SPATA7: variants seen among roughly 807,000 people sequenced by gnomAD.
SPATA7 encodes spermatogenesis-associated protein 7.
SPATA7 carries 43 observed loss-of-function variants against 51.8 expected under a neutral mutation model. The ratio of observed to expected loss-of-function variants is 0.83; its 90% CI spans 0.65 to 1.07. The LOEUF (loss-of-function observed/expected upper bound fraction) is 1.07, where lower values mean the gene tolerates loss of function less well. SPATA7 is among the 50% of genes least tolerant of loss of function. SPATA7 has a pLI of 0.00. For missense variants in SPATA7, 683 were observed against 701.3 expected (o/e 0.97, Z 0.30); for synonymous variants, 230 against 252.8 (o/e 0.91, Z 0.86).
At chr14:88,456,246 G>A (rs2077283417), downstream of SPATA7, among the ~76,000 whole-genome samples, 1 of 152,120 alleles carries the variant, frequency 6.6e-6, no homozygotes, top group Admixed American at 6.5e-5. Context: ...CCCAGTAATG[G>A]GGTGGCTGGG....
At chr14:88,470,032 C>T (rs747979607) in exon 5 of SPATA7, 8 of 1,613,136 alleles carry the variant, frequency 5.0e-6, no homozygotes, top group East Asian at 4.5e-5. Flanking sequence ...TAATCCCATT[C>T]GATTCCACTG....
chr14:88,431,359 A>G (rs1463345396), intron 9 of SPATA7, 134 bp downstream of exon 9: 2 of 835,866 alleles, frequency 2.4e-6, no homozygotes, highest in East Asian at 2.4e-5. Flanking sequence ...GTACATATTC[A>G]TGGAGTACCT....
rs754923626 is a variant in SPATA7, at chr14:88,416,817, C to G, written c.345C>G (p.Ser115=). The G allele has an allele frequency of 2.5e-6, 4 of 1,601,602 alleles. No individual in the cohort carries two copies. Among genetic ancestry groups the G allele is most frequent in the Admixed American group, 1.7e-5 (1 of 59,842 alleles). ...TGCGAGCCAATTATAAAAATAATTC[C>G]AAGTCACTTTTTAATACCTTACAAA... ...TAMRANYKNN[S]KSLFNTLQKP... is the part of the protein sequence containing the mutation. Residue 115 remains serine (S), a synonymous_variant, in exon 5 of 12, where the codon TCC becomes TCG. Transcript: ENST00000393545.
intron 4 of SPATA7, among the ~76,000 whole-genome samples, chr14:88,401,222 C>T (rs1181274968): frequency 6.6e-6 from 1 of 152,150 alleles, no homozygotes; most frequent in Non-Finnish European, 1.5e-5. Context: ...TGATATACCA[C>T]AGTAACATAG....
chr14:88,407,269 C>G (rs2076224668), intron 4 of SPATA7, among the ~76,000 whole-genome samples: 1 of 152,228 alleles, frequency 6.6e-6, no homozygotes, highest in South Asian at 2.1e-4. Context: ...CACATCATGT[C>G]TAGCATCTGT....
chr14:88,462,683 G>A (rs980370154), intron 4 of SPATA7, among the ~76,000 whole-genome samples: 6 of 152,162 alleles, frequency 3.9e-5, no homozygotes, highest in Non-Finnish European at 7.3e-5. Flanking sequence ...CCACATTGTC[G>A]ATTCAGAGCC....
intron 3 of SPATA7, among the ~76,000 whole-genome samples, chr14:88,449,346 G>C (rs73327489): frequency 0.038 from 5,772 of 152,174 alleles, 356 homozygotes; most frequent in African/African-American, 0.13. Context: ...GATCATTCAG[G>C]AGCAGGTTAT....
chr14:88,403,142 G>C (rs1231977298), intron 4 of SPATA7, among the ~76,000 whole-genome samples: 2 of 152,128 alleles, frequency 1.3e-5, no homozygotes, highest in African/African-American at 4.8e-5. Flanking sequence ...ACACCTGTGA[G>C]AATGGCTATC....
intron 8 of SPATA7, among the ~76,000 whole-genome samples, chr14:88,430,229 C>T (rs1024113181): frequency 1.3e-5 from 2 of 151,996 alleles, no homozygotes; most frequent in African/African-American, 4.8e-5. Flanking sequence ...CACACAATCC[C>T]CTCAGGCTCT....
At chr14:88,466,055 C>T (rs1224079873) in intron 4 of SPATA7, 1 of 145,378 alleles carries the variant, frequency 6.9e-6, no homozygotes, top group East Asian at 2.0e-4. Flanking sequence ...AGCATTTTCA[C>T]AAAAACGTAC....
intron 5 of SPATA7, among the ~76,000 whole-genome samples, chr14:88,421,672 C>T (rs1353416982): frequency 2.0e-5 from 3 of 151,976 alleles, no homozygotes; most frequent in Non-Finnish European, 2.9e-5. Context: ...GAATCTCGGC[C>T]GGGCGTGGTG....
intron 1 of SPATA7, among the ~76,000 whole-genome samples, chr14:88,389,139 A>G (rs945551580): frequency 2.0e-5 from 3 of 152,224 alleles, no homozygotes; most frequent in Non-Finnish European, 4.4e-5. Flanking sequence ...CACAGGACAC[A>G]AAGGAGGAAC....
In SPATA7 at chr14:88,469,763, CGAG is replaced by C; in HGVS notation, c.255-83_255-81del. On this transcript the variant is annotated intron_variant, in intron 4 of 4. Coordinates refer to the SPATA7 transcript ENST00000556406. This position sits in a 1 kb window ranked among gnomAD's most constrained non-coding sequence, Gnocchi z 4.3. The stretch of plus-strand genomic sequence containing the variant: ...TAAAGATGAGCATGGTTAAATGACT[CGAG>C]ATCCGGCAATGGATGCCTTTCTCAC... 1 of 1,610,478 alleles carries C rather than the reference CGAG, an allele frequency of 6.2e-7. No homozygotes were observed.
downstream of SPATA7, among the ~76,000 whole-genome samples, chr14:88,440,814 CT>C (rs796854586): frequency 3.3e-3 from 487 of 148,764 alleles, 2 homozygotes; most frequent in South Asian, 7.5e-3. Context: ...GCTGCTGCTA[CT>C]TTTTTTTTTG....
chr14:88,454,171 G>A (rs1372234243), intron 3 of SPATA7, among the ~76,000 whole-genome samples: 1 of 152,186 alleles, frequency 6.6e-6, no homozygotes, highest in Non-Finnish European at 1.5e-5. Context: ...AGCTATTGCT[G>A]GAGCCACATT....
chr14:88,441,767 T>A (rs2077179865), downstream of SPATA7, among the ~76,000 whole-genome samples: 1 of 152,218 alleles, frequency 6.6e-6, no homozygotes. Flanking sequence ...GATGTATAGA[T>A]TGCAAAGATT....
intron 3 of SPATA7, among the ~76,000 whole-genome samples, chr14:88,394,370 T>C (rs949600540): frequency 6.6e-6 from 1 of 152,212 alleles, no homozygotes; most frequent in African/African-American, 2.4e-5. Flanking sequence ...CTTTCGCCTA[T>C]AGTTTTACCT....
At chr14:88,385,952 C>T (rs2075562672) in intron 1 of SPATA7, 115 bp downstream of exon 1, 1 of 1,536,220 alleles carries the variant, frequency 6.5e-7, no homozygotes, top group Non-Finnish European at 8.7e-7. Flanking sequence ...CTTCCTACCC[C>T]TGGCTGAGTC....
At position 88,468,860 on chromosome 14, in the gene SPATA7, CT is replaced by C. The variant is rs565578195; in HGVS notation, c.255-986del. 3.0e-4 allele frequency: 489 copies of C among 1,609,582 alleles called. 2 individuals carry two copies. The African/African-American group carries it at 5.7e-3, about 19-fold the overall frequency. On this transcript the variant is annotated intron_variant, in intron 4 of 4. Coordinates refer to the SPATA7 transcript ENST00000556406. ...AGAGCTATTAAGTCACTATGTCCCT[CT>C]CTTCCCCAGCCTCATTTCCACCCAA...
Sources: allele counts gnomAD v4.1 joint callset (sites outside exome capture counted in the v4.1 genomes callset), GRCh38; gene constraint gnomAD v4.1.1; non-coding constraint Gnocchi (gnomAD v3.1); transcripts MANE v1.5; gene names NCBI Gene and HGNC (gene_info 2026-07-23, HGNC 2026-07-21).